Variants in NAALADL2 observed in about 807,000 individuals in gnomAD.
NAALADL2 encodes N-acetylated alpha-linked acidic dipeptidase like 2, also known as inactive N-acetylated-alpha-linked acidic dipeptidase-like protein 2.
A neutral mutation model predicts 87.2 loss-of-function variants in NAALADL2; 76 were observed. The ratio of observed to expected loss-of-function variants is 0.87; its 90% CI spans 0.72 to 1.05. The LOEUF is 1.05. Ranked by LOEUF, NAALADL2 falls within the 50% of genes least tolerant of loss-of-function variation. The probability of loss-of-function intolerance (pLI) is 0.00; values close to 1 mark genes in which losing one functional copy is unlikely to be tolerated. For synonymous variants in NAALADL2, 354 were observed against 331.0 expected, an observed-to-expected ratio of 1.07 and a Z score of -0.75; for missense variants, 1,089 against 945.8, an observed-to-expected ratio of 1.15 and a Z score of -1.99.
At chr3:175,317,392 G>T (rs1470637089) in intron 4 of NAALADL2, among the ~76,000 whole-genome samples, 2 of 151,062 alleles carry the variant, frequency 1.3e-5, no homozygotes, top group Admixed American at 6.6e-5. Context: ...TCCTCTGCTT[G>T]TGGAAGACAT....
At chr3:174,642,131 T>TTA (rs1419001790) in intron 2 of NAALADL2, among the ~76,000 whole-genome samples, 3 of 152,124 alleles carry the variant, frequency 2.0e-5, no homozygotes, top group Non-Finnish European at 4.4e-5. Context: ...ACACAATGCT[T>TTA]TCTAAAGACT....
intron 1 of NAALADL2, among the ~76,000 whole-genome samples, chr3:174,976,510 G>T (rs2108630943): frequency 6.6e-6 from 1 of 152,264 alleles, no homozygotes; most frequent in African/African-American, 2.4e-5. Context: ...AGTACCACTG[G>T]TTATAAAAGC....
At chr3:175,571,005 G>A (rs187614018) in intron 9 of NAALADL2, among the ~76,000 whole-genome samples, 31 of 152,178 alleles carry the variant, frequency 2.0e-4, no homozygotes, top group Admixed American at 3.9e-4. Flanking sequence ...TGTGCATGTA[G>A]AGTAAATGCT....
intron 1 of NAALADL2, among the ~76,000 whole-genome samples, chr3:175,080,029 G>C (rs1168883615): frequency 2.6e-5 from 4 of 151,412 alleles, no homozygotes; most frequent in African/African-American, 9.7e-5. Context: ...GCAGTGGAGC[G>C]ATCTCGGCTC....
chr3:175,368,602 G>A (rs1265819884), intron 5 of NAALADL2, among the ~76,000 whole-genome samples: 1 of 141,764 alleles, frequency 7.1e-6, no homozygotes, highest in Non-Finnish European at 1.6e-5. Flanking sequence ...TGTGTTTATA[G>A]CCAGTATGTA....
At chr3:175,483,404 AT>A (rs1244927749) in intron 9 of NAALADL2, among the ~76,000 whole-genome samples, 1 of 135,560 alleles carries the variant, frequency 7.4e-6, no homozygotes, top group South Asian at 2.3e-4. Context: ...CTTTGCTAAT[AT>A]TTTTTTCTTA....
intron 2 of NAALADL2, among the ~76,000 whole-genome samples, chr3:175,224,956 T>G (rs2109385862): frequency 6.6e-6 from 1 of 152,296 alleles, no homozygotes; most frequent in South Asian, 2.1e-4. Flanking sequence ...GTTAGTTGTC[T>G]CATGATTTTT....
chr3:175,637,095 A>T (rs993965015), intron 11 of NAALADL2, among the ~76,000 whole-genome samples: 1 of 152,252 alleles, frequency 6.6e-6, no homozygotes. Flanking sequence ...TTTAACCAAC[A>T]ACCCGTAATT....
intron 3 of NAALADL2, among the ~76,000 whole-genome samples, chr3:174,788,842 T>A (rs930569108): frequency 2.6e-5 from 4 of 152,282 alleles, no homozygotes; most frequent in Non-Finnish European, 5.9e-5. Flanking sequence ...ATACAGGCAT[T>A]AATCTTGGTT....
At chr3:175,082,511 G>C in intron 1 of NAALADL2, among the ~76,000 whole-genome samples, 1 of 152,102 alleles carries the variant, frequency 6.6e-6, no homozygotes, top group South Asian at 2.1e-4. Context: ...AACAATATCA[G>C]TTTTACTTAT....
rs371082945 is a variant in NAALADL2 at position 175,723,052 on chromosome 3, G to A, written c.1897-14254G>A. On this transcript the variant is annotated intron_variant, in intron 11 of 13. Coordinates refer to ENST00000454872, the MANE Select transcript of NAALADL2 (RefSeq NM_207015.3). ...GGTGTCCTACCTCTGCTTCTTAATC[G>A]GCTCCTAGGGGCAGGTTCTGCTGAG... Among the ~76,000 whole-genome samples, 23 of 152,118 alleles carry A rather than the reference G, an allele frequency of 1.5e-4. 1 individual carries two copies. The South Asian group carries it at 3.7e-3, about 25-fold the overall frequency.
intron 13 of NAALADL2, among the ~76,000 whole-genome samples, chr3:175,768,502 AG>A (rs1281655292): frequency 3.3e-5 from 5 of 152,242 alleles, no homozygotes; most frequent in African/African-American, 1.2e-4. Flanking sequence ...GTTAAGGGAT[AG>A]AACCTGTTTG....
At chr3:174,764,699 T>G (rs1430217803) in intron 3 of NAALADL2, among the ~76,000 whole-genome samples, 1 of 152,218 alleles carries the variant, frequency 6.6e-6, no homozygotes, top group African/African-American at 2.4e-5. Context: ...AGTTAGCTCT[T>G]AAAGATGTAT....
intron 2 of NAALADL2, among the ~76,000 whole-genome samples, chr3:175,136,146 C>T (rs1489265319): frequency 6.6e-6 from 1 of 152,054 alleles, no homozygotes; most frequent in Non-Finnish European, 1.5e-5. Flanking sequence ...GGGGCCAGTG[C>T]TTCTGGTTTC....
chr3:175,587,549 A>G (rs1462961695), intron 10 of NAALADL2, among the ~76,000 whole-genome samples: 1 of 152,206 alleles, frequency 6.6e-6, no homozygotes, highest in Non-Finnish European at 1.5e-5. Context: ...AATGTCATGA[A>G]TCAAATTAAA....
intron 2 of NAALADL2, among the ~76,000 whole-genome samples, chr3:174,620,847 A>C (rs1224131769): frequency 6.6e-6 from 1 of 152,086 alleles, no homozygotes; most frequent in Non-Finnish European, 1.5e-5. Context: ...ATTATGAAAG[A>C]TTTTTAGGAA....
intron 11 of NAALADL2, among the ~76,000 whole-genome samples, chr3:175,683,790 T>G (rs991240170): frequency 6.6e-6 from 1 of 152,060 alleles, no homozygotes; most frequent in African/African-American, 2.4e-5. Context: ...AAGGTGGTAG[T>G]CTTTTCCTTC....
At chr3:175,161,629 C>G (rs527659823) in intron 2 of NAALADL2, among the ~76,000 whole-genome samples, 1 of 150,248 alleles carries the variant, frequency 6.7e-6, no homozygotes, top group African/African-American at 2.5e-5. Context: ...AACCCCCCCG[C>G]CCGTCCCACC....
chr3:175,551,176 C>G (rs773378661), intron 9 of NAALADL2, among the ~76,000 whole-genome samples: 2 of 151,924 alleles, frequency 1.3e-5, no homozygotes, highest in Non-Finnish European at 2.9e-5. Context: ...ACAGGCAATA[C>G]TTAAAAGTTT....
Sources: gnomAD v4.1 joint callset for allele counts (sites outside exome capture counted in the v4.1 genomes callset) on GRCh38, gnomAD v4.1.1 for gene constraint, MANE v1.5 for transcripts, NCBI Gene and HGNC (gene_info 2026-07-23, HGNC 2026-07-21) for gene names.